CCDC88B: variants seen among roughly 807,000 people sequenced by gnomAD.
CCDC88B encodes coiled-coil and HOOK domain protein 88B.
Under a neutral mutation model 183.7 loss-of-function variants are expected in CCDC88B, and 138 were observed. That is an observed-to-expected ratio of 0.75 (90% CI 0.65 to 0.87). The LOEUF is 0.87. CCDC88B is among the 40% of genes least tolerant of loss of function. CCDC88B has a pLI of 0.00. For synonymous variants in CCDC88B, 835 were observed against 867.5 expected (o/e 0.96, Z 0.66); for missense variants, 1,822 against 1,965.6 (o/e 0.93, Z 1.38).
Position 64,344,076 on chromosome 11 carries a change from A to T in CCDC88B, c.1535A>T (p.Asp512Val), listed in dbSNP as rs1445803775. 1.2e-6 allele frequency: 2 copies of T among 1,607,336 alleles called. No homozygotes were observed. The highest frequency in any genetic ancestry group is 4.5e-5 in the East Asian group (2 of 44,706). Reference protein sequence around the residue: ...EEAPQTPVAFDHSPQGLVQKA... With the variant: ...EEAPQTPVAFVHSPQGLVQKA... Reference sequence around the variant, plus strand: ...GCTCCCCAGACTCCTGTGGCCTTCGACCACAGCCCTCAGGGCTTGGTTCAG... The same window carrying T: ...GCTCCCCAGACTCCTGTGGCCTTCGTCCACAGCCCTCAGGGCTTGGTTCAG... The change falls in exon 14 of 27, where the codon GAC becomes GTC. Residue 512 changes from aspartate to valine, a missense_variant. Transcript: ENST00000356786. The surrounding 1 kb of genome is among the most constrained non-coding windows in gnomAD (Gnocchi z 4.5).
Position 64,351,584 on chromosome 11 carries a change from C to G in CCDC88B, c.3067C>G (p.Gln1023Glu). The G allele has an allele frequency of 6.4e-7, 1 of 1,563,768 alleles. No individual in the cohort carries two copies. The highest frequency in any genetic ancestry group is 8.6e-7 in the Non-Finnish European group (1 of 1,163,248). The change falls in exon 18 of 27, where the codon CAG becomes GAG. Residue 1023 changes from glutamine (Q) to glutamate (E), a missense_variant. Transcript: ENST00000356786. ...GRAQELLLQS[Q>E]RAQEHSSRLQ... ...TGCCCAGGAGCTGCTGCTGCAGAGC[C>G]AGCGGGCGCAGGAGCACAGCAGCCG...
Position 64,344,095 on chromosome 11 carries a change from G to A in CCDC88B, c.1554G>A (p.Leu518=). The stretch of plus-strand genomic sequence containing the variant: ...CCTTCGACCACAGCCCTCAGGGCTT[G>A]GTTCAGAAGGCAAGGGATGGAGGCC... ...PVAFDHSPQG[L]VQKARDGGPQ... Residue 518 remains leucine (L), a synonymous_variant, in exon 14 of 27, where the codon TTG becomes TTA. Coordinates refer to ENST00000356786, the MANE Select transcript of CCDC88B (RefSeq NM_032251.6). This position sits in a 1 kb window ranked among gnomAD's most constrained non-coding sequence, Gnocchi z 4.5. 2 of 1,612,952 alleles carry A rather than the reference G, an allele frequency of 1.2e-6. No homozygotes were observed. Among genetic ancestry groups the A allele is most frequent in the Non-Finnish European group, 1.7e-6 (2 of 1,179,632 alleles).
intron 14 of CCDC88B, among the ~76,000 whole-genome samples, chr11:64,347,439 A>C (rs574288638): frequency 6.6e-6 from 1 of 152,204 alleles, no homozygotes; most frequent in African/African-American, 2.4e-5. Flanking sequence ...TTCCAGTCCC[A>C]TTTCTGTACA....
chr11:64,353,746 C>T lies in CCDC88B; in HGVS notation c.3865C>T (p.Gln1289Ter). ...GCTTAATGCCCTGCGCCGCGAGAAG[C>T]AGAAGCTCGTGGAGAAGATCATGGA... ...DQLNALRREK[Q>*]KLVEKIMDQY... Residue 1289 changes from glutamine (Q) to a stop codon, truncating the protein, a stop_gained, in exon 23 of 27, where the codon CAG (glutamine) becomes TAG (stop). Coordinates refer to ENST00000356786, the MANE Select transcript of CCDC88B (RefSeq NM_032251.6). LOFTEE classifies it high-confidence loss of function. 6.2e-7 allele frequency: 1 copy of T among 1,614,108 alleles called. No homozygotes were observed. The highest frequency in any genetic ancestry group is 8.5e-7 in the Non-Finnish European group (1 of 1,179,978).
chr11:64,355,252 G>T lies in CCDC88B; in HGVS notation c.4158G>T (p.Glu1386Asp), dbSNP rs1219949830. Residue 1386 changes from glutamate (E) to aspartate (D), a missense_variant, in exon 25 of 27, where the codon GAG (glutamate) becomes GAT (aspartate). Coordinates refer to ENST00000356786, the MANE Select transcript of CCDC88B (RefSeq NM_032251.6). ...AGAGCTCCCTCTGCCTGCGGGATGA[G>T]ACCTTGGCAGGCGGGCAGCGGCGGA... ...RAQSSLCLRD[E>D]TLAGGQRRKL... 6.4e-7 allele frequency: 1 copy of T among 1,563,060 alleles called. No individual in the cohort carries two copies. The highest frequency in any genetic ancestry group is 1.4e-5 in the African/African-American group (1 of 73,008).
Position 64,344,894 on chromosome 11 carries a change from G to A in CCDC88B, c.2353G>A (p.Ala785Thr). Residue 785 changes from alanine (A) to threonine (T), a missense_variant, in exon 14 of 27, where the codon GCC becomes ACC. By Grantham distance (58) the Ala-to-Thr change is moderately conservative (BLOSUM62 0). Coordinates refer to ENST00000356786, the MANE Select transcript of CCDC88B (RefSeq NM_032251.6). This position sits in a 1 kb window ranked among gnomAD's most constrained non-coding sequence, Gnocchi z 4.5. ...GGCCGAGGCCCACCGGGAGGCAGAG[G>A]CCCAGGCCTGGGAGCAAGCCCGGCT... ...AEAEAHREAEAQAWEQARLRE... is the reference protein window; with the variant it reads ...AEAEAHREAETQAWEQARLRE... 2 of 1,591,644 alleles carry A rather than the reference G, an allele frequency of 1.3e-6. No homozygotes were observed. Among genetic ancestry groups the A allele is most frequent in the East Asian group, 2.3e-5 (1 of 43,812 alleles).
At chr11:64,348,207 C>T (rs912600010) in intron 14 of CCDC88B, among the ~76,000 whole-genome samples, 24 of 148,260 alleles carry the variant, frequency 1.6e-4, no homozygotes, top group African/African-American at 3.3e-4. Context: ...GTAGGGCTGG[C>T]GGGCTGGAAG....
chr11:64,346,119 A>G (rs976895361), intron 14 of CCDC88B, among the ~76,000 whole-genome samples: 1 of 152,206 alleles, frequency 6.6e-6, no homozygotes, highest in Non-Finnish European at 1.5e-5. Context: ...CCAGGCAGGG[A>G]AAGCCAGGGT....
chr11:64,343,718 G>T, intron 12 of CCDC88B, 60 bp from the exon 13 acceptor site: 1 of 1,529,662 alleles, frequency 6.5e-7, no homozygotes, highest in Non-Finnish European at 8.8e-7. Context: ...AGCCTCTGGG[G>T]TGTGTATGTG....
Position 64,342,384 on chromosome 11 carries a change from A to T in CCDC88B, c.903+9A>T. The T allele has an allele frequency of 6.4e-7, 1 of 1,571,958 alleles. No individual in the cohort carries two copies. The highest frequency in any genetic ancestry group is 1.2e-5 in the South Asian group (1 of 85,784). On this transcript the variant is annotated intron_variant, in intron 9 of 26. Coordinates refer to ENST00000356786, the MANE Select transcript of CCDC88B (RefSeq NM_032251.6). ...GAAGGCTCCGCCAGGAGGTGCGCTCACATGCTCCCCGCCACCGCGGCATTC... is the reference window on the plus strand; with the variant it reads ...GAAGGCTCCGCCAGGAGGTGCGCTCTCATGCTCCCCGCCACCGCGGCATTC...
chr11:64,342,111 G>T lies in CCDC88B; in HGVS notation c.793G>T (p.Ala265Ser). ...HLALQLANAK[A>S]QLRRLRQELE... The stretch of plus-strand genomic sequence containing the variant: ...GGCCCTGCAGCTGGCCAACGCCAAG[G>T]CTCAGCTGCGGCGTCTGCGGCAGGA... Residue 265 changes from alanine (A) to serine (S), a missense_variant, in exon 8 of 27, where the codon GCT (alanine) becomes TCT (serine). Physicochemically the swap from Ala to Ser is moderately conservative, Grantham distance 99. Transcript: ENST00000356786. 1 of 1,610,400 alleles carries T rather than the reference G, an allele frequency of 6.2e-7. No homozygotes were observed. The highest frequency in any genetic ancestry group is 1.1e-5 in the South Asian group (1 of 90,730).
At chr11:64,347,211 G>A (rs538775471) in intron 14 of CCDC88B, among the ~76,000 whole-genome samples, 1 of 152,242 alleles carries the variant, frequency 6.6e-6, no homozygotes, top group African/African-American at 2.4e-5. Context: ...GTGTTTGGGC[G>A]TGGCTTCAGC....
Position 64,342,391 on chromosome 11 carries a change from C to T in CCDC88B, c.903+16C>T, listed in dbSNP as rs1044339419. The T allele has an allele frequency of 9.6e-6, 15 of 1,566,010 alleles. No homozygotes were observed. Among genetic ancestry groups the T allele is most frequent in the Admixed American group, 1.9e-5 (1 of 52,736 alleles). Reference sequence around the variant, plus strand: ...CCGCCAGGAGGTGCGCTCACATGCTCCCCGCCACCGCGGCATTCCCTAACC... The same window carrying T: ...CCGCCAGGAGGTGCGCTCACATGCTTCCCGCCACCGCGGCATTCCCTAACC... On this transcript the variant is annotated intron_variant, in intron 9 of 26. Coordinates refer to ENST00000356786, the MANE Select transcript of CCDC88B (RefSeq NM_032251.6).
At chr11:64,352,665 C>T in intron 19 of CCDC88B, 79 bp from the exon 20 acceptor site, 1 of 1,590,076 alleles carries the variant, frequency 6.3e-7, no homozygotes, top group Non-Finnish European at 8.6e-7. Context: ...ACCCCCCCGC[C>T]CCGGGTCCAG....
In CCDC88B at chr11:64,342,517, C is replaced by T; in HGVS notation, c.904-5C>T. The stretch of plus-strand genomic sequence containing the variant: ...CTGTTCCCAGCTCCACACCGTCTGG[C>T]CCAGGCCCAGGCGCTGTCGGGACAG... On this transcript the variant is annotated splice_polypyrimidine_tract_variant and splice_region_variant and intron_variant, in intron 9 of 26. Coordinates refer to ENST00000356786, the MANE Select transcript of CCDC88B (RefSeq NM_032251.6). 12 of 1,527,454 alleles carry T rather than the reference C, an allele frequency of 7.9e-6. No individual in the cohort carries two copies. Among genetic ancestry groups the T allele is most frequent in the South Asian group, 1.2e-5 (1 of 82,810 alleles). The allele number at this position is 1,527,454 out of a possible 1,614,324, so 94.6% of individuals were successfully genotyped here. A position where few individuals can be genotyped will look rare whatever the true frequency, so the allele number is the denominator to read the frequency against.
chr11:64,341,199 C>A (rs1273584053), intron 4 of CCDC88B, 21 bp downstream of exon 4: 4 of 1,614,106 alleles, frequency 2.5e-6, no homozygotes, highest in Non-Finnish European at 3.4e-6. Context: ...CACCCACACC[C>A]TCCTGCCTCT....
At chr11:64,349,097 C>A in intron 14 of CCDC88B, 1 of 716,614 alleles carries the variant, frequency 1.4e-6, no homozygotes, top group Non-Finnish European at 2.6e-6. Flanking sequence ...ACTCCCAGCC[C>A]AGGGGCCTTC....
chr11:64,342,494 G>C (rs1240137479), intron 9 of CCDC88B, 28 bp from the exon 10 acceptor site: 2 of 1,528,390 alleles, frequency 1.3e-6, no homozygotes, highest in Non-Finnish European at 1.8e-6. Flanking sequence ...GCGGCTGGCT[G>C]TTCCCAGCTC....
Position 64,352,263 on chromosome 11 carries a change from A to T in CCDC88B, c.3233A>T (p.His1078Leu). Reference sequence around the variant, plus strand: ...CAGCAGCAGGCCCTGCTTCGGGACCACAAGGCCCTGGCACAGCTGCAGCGG... The same window carrying T: ...CAGCAGCAGGCCCTGCTTCGGGACCTCAAGGCCCTGGCACAGCTGCAGCGG... ...RGQQQALLRD[H>L]KALAQLQRRQ... The change falls in exon 19 of 27, where the codon CAC becomes CTC. Residue 1078 changes from histidine to leucine, a missense_variant. Coordinates refer to ENST00000356786, the MANE Select transcript of CCDC88B (RefSeq NM_032251.6). 3.1e-6 allele frequency: 5 copies of T among 1,600,886 alleles called. No individual in the cohort carries two copies. In the South Asian group the frequency reaches 4.4e-5, roughly 14 times the overall value.
Sources: allele counts gnomAD v4.1 joint callset (sites outside exome capture counted in the v4.1 genomes callset), GRCh38; gene constraint gnomAD v4.1.1; non-coding constraint Gnocchi (gnomAD v3.1); transcripts MANE v1.5; gene names NCBI Gene and HGNC (gene_info 2026-07-23, HGNC 2026-07-21).